FBXL17: variants seen among roughly 807,000 people sequenced by gnomAD.
FBXL17 encodes F-box and leucine rich repeat protein 17, also known as F-box/LRR-repeat protein 17.
Under a neutral mutation model 66.2 loss-of-function variants are expected in FBXL17, and 22 were observed. The observed-to-expected ratio is 0.33, with a 90% CI of 0.24 to 0.47. The LOEUF is 0.47. Among genes scored for constraint, FBXL17 ranks in the 20% least tolerant of loss-of-function variants. FBXL17 has a pLI of 1.00. For missense variants in FBXL17, 878 were observed against 948.2 expected, an observed-to-expected ratio of 0.93 and a Z score of 0.97; for synonymous variants, 474 against 400.5, an observed-to-expected ratio of 1.18 and a Z score of -2.19.
intron 4 of FBXL17, among the ~76,000 whole-genome samples, chr5:108,232,782 C>CATATATATATATAATAT (rs1755404666): frequency 2.6e-5 from 2 of 78,170 alleles, no homozygotes; most frequent in Non-Finnish European, 5.4e-5. Context: ...TAAGCTCTCA[C>CATATATATATATAATAT]ATATATATAT....
chr5:108,291,879 T>C (rs1758126270), intron 4 of FBXL17, among the ~76,000 whole-genome samples: 1 of 152,164 alleles, frequency 6.6e-6, no homozygotes, highest in South Asian at 2.1e-4. Flanking sequence ...CAAGACTTGC[T>C]GGCTGACTCT....
chr5:108,192,719 G>C (rs1753517553), intron 5 of FBXL17, among the ~76,000 whole-genome samples: 2 of 152,100 alleles, frequency 1.3e-5, no homozygotes, highest in Admixed American at 1.3e-4. Context: ...TTGAACCCAG[G>C]AGGCAGAGGT....
intron 8 of FBXL17, among the ~76,000 whole-genome samples, chr5:107,877,952 T>C (rs1369046812): frequency 6.6e-6 from 1 of 152,188 alleles, no homozygotes; most frequent in East Asian, 1.9e-4. Context: ...TCTATTCTTA[T>C]TTTTCACTAT....
intron 6 of FBXL17, among the ~76,000 whole-genome samples, chr5:108,160,768 A>G (rs1022649579): frequency 6.6e-6 from 1 of 152,202 alleles, no homozygotes; most frequent in Non-Finnish European, 1.5e-5. Context: ...AGATCTAAAA[A>G]TAATAATGAT....
intron 6 of FBXL17, among the ~76,000 whole-genome samples, chr5:108,024,841 T>C (rs906656788): frequency 1.3e-5 from 2 of 152,152 alleles, no homozygotes; most frequent in African/African-American, 4.8e-5. Flanking sequence ...GTAAGCTAGA[T>C]AGGATTTTTT....
intron 7 of FBXL17, among the ~76,000 whole-genome samples, chr5:107,915,160 C>A (rs914001500): frequency 6.6e-6 from 1 of 152,002 alleles, no homozygotes; most frequent in South Asian, 2.1e-4. Flanking sequence ...TTTGGCACCC[C>A]GTAAAATTTA....
intron 4 of FBXL17, among the ~76,000 whole-genome samples, chr5:108,261,324 TA>T (rs1457420785): frequency 6.6e-6 from 1 of 151,592 alleles, no homozygotes; most frequent in Non-Finnish European, 1.5e-5. Context: ...GTTACAGAAC[TA>T]AAAAAGAAAG....
chr5:108,375,595 G>A (rs1749368845), intron 1 of FBXL17, among the ~76,000 whole-genome samples: 1 of 152,038 alleles, frequency 6.6e-6, no homozygotes, highest in African/African-American at 2.4e-5. Flanking sequence ...TAGAAAATCT[G>A]AGTAGATGTA....
At chr5:108,058,217 G>A (rs1048241810) in intron 6 of FBXL17, among the ~76,000 whole-genome samples, 1 of 150,740 alleles carries the variant, frequency 6.6e-6, no homozygotes, top group African/African-American at 2.5e-5. Flanking sequence ...TTTTACAACT[G>A]CAGAAACAGA....
chr5:108,196,776 A>T (rs1363266497), intron 5 of FBXL17, among the ~76,000 whole-genome samples: 1 of 150,820 alleles, frequency 6.6e-6, no homozygotes, highest in Non-Finnish European at 1.5e-5. Context: ...TAATATGTAA[A>T]CATTAAATAA....
chr5:107,998,138 A>G (rs886896305), intron 7 of FBXL17, among the ~76,000 whole-genome samples: 1 of 152,230 alleles, frequency 6.6e-6, no homozygotes, highest in Non-Finnish European at 1.5e-5. Flanking sequence ...TTAATTGATT[A>G]CATGCTGGAA....
chr5:107,959,270 T>C (rs550827785), intron 7 of FBXL17, among the ~76,000 whole-genome samples: 2 of 151,926 alleles, frequency 1.3e-5, no homozygotes, highest in East Asian at 3.9e-4. Context: ...TACAGAGGGG[T>C]AGTCAAGAAT....
chr5:108,000,448 G>A (rs1201687824), intron 7 of FBXL17, among the ~76,000 whole-genome samples: 1 of 152,132 alleles, frequency 6.6e-6, no homozygotes, highest in Non-Finnish European at 1.5e-5. Flanking sequence ...CTGTTTGTTC[G>A]TTACAGACTC....
At chr5:108,361,051 A>C (rs944754543) in intron 3 of FBXL17, among the ~76,000 whole-genome samples, 6 of 152,086 alleles carry the variant, frequency 3.9e-5, no homozygotes, top group African/African-American at 1.4e-4. Context: ...AATGGATTTA[A>C]AATCTTTAGT....
intron 6 of FBXL17, among the ~76,000 whole-genome samples, chr5:108,027,506 TATTA>T (rs34901511): frequency 0.045 from 6,870 of 152,144 alleles, 531 homozygotes; most frequent in African/African-American, 0.16. Context: ...AAGCTTTATT[TATTA>T]ATTAATTCAC....
intron 4 of FBXL17, among the ~76,000 whole-genome samples, chr5:108,306,257 TAATC>T (rs1434525251): frequency 6.6e-6 from 1 of 152,100 alleles, no homozygotes; most frequent in Non-Finnish European, 1.5e-5. Flanking sequence ...CCTAAAGACT[TAATC>T]AATGATGCTG....
chr5:108,338,171 T>A (rs1168609746), intron 4 of FBXL17, among the ~76,000 whole-genome samples: 1 of 142,174 alleles, frequency 7.0e-6, no homozygotes, highest in Admixed American at 7.4e-5. Context: ...AGTTTTATCA[T>A]GTTCTCAGAG....
At position 108,094,243 on chromosome 5, in the gene FBXL17, G is replaced by A. The variant is rs573046096; in HGVS notation, c.1746-73242C>T. Among the ~76,000 whole-genome samples, 27 of 152,120 alleles carry A rather than the reference G, an allele frequency of 1.8e-4. No individual in the cohort carries two copies. The East Asian group carries it at 5.2e-3, about 29-fold the overall frequency. ...CCATTTAGTTAATCAAAAAGCAAAG[G>A]TAGAACATGAGGGAAAAGCTCTTCT... On this transcript the variant is annotated intron_variant, in intron 6 of 8. Coordinates refer to ENST00000542267, the MANE Select transcript of FBXL17 (RefSeq NM_001163315.3).
intron 8 of FBXL17, among the ~76,000 whole-genome samples, chr5:107,872,645 G>C (rs1748494969): frequency 6.6e-6 from 1 of 152,130 alleles, no homozygotes; most frequent in Admixed American, 6.5e-5. Context: ...TAACATAGAA[G>C]GAGAAACCCA....
Sources: gnomAD v4.1 joint callset for allele counts (sites outside exome capture counted in the v4.1 genomes callset) on GRCh38, gnomAD v4.1.1 for gene constraint, MANE v1.5 for transcripts, NCBI Gene and HGNC (gene_info 2026-07-23, HGNC 2026-07-21) for gene names.